RYR2: variants seen among roughly 807,000 people sequenced by gnomAD.
The protein encoded by RYR2 is ryanodine receptor 2, also known as cardiac muscle ryanodine receptor-calcium release channel.
RYR2 carries 227 observed loss-of-function variants against 601.1 expected under a neutral mutation model. The ratio of observed to expected loss-of-function variants is 0.38; its 90% CI spans 0.34 to 0.42. The LOEUF is 0.42. Among genes scored for constraint, RYR2 ranks in the 10% least tolerant of loss-of-function variants. The pLI, the probability that RYR2 is intolerant of heterozygous loss-of-function variation, is 1.00. For missense variants in RYR2, 4,646 were observed against 6,156.5 expected (o/e 0.75, Z 8.21); for synonymous variants, 2,223 against 2,175.1 (o/e 1.02, Z -0.61).
chr1:237,504,529 C>A (rs767429874), intron 22 of RYR2, among the ~76,000 whole-genome samples: 4 of 152,132 alleles, frequency 2.6e-5, no homozygotes, highest in Non-Finnish European at 5.9e-5. Flanking sequence ...TTACTTCAGG[C>A]CATCTGGATG....
chr1:237,272,995 C>A (rs6429003), intron 2 of RYR2, among the ~76,000 whole-genome samples: 11 of 152,116 alleles, frequency 7.2e-5, no homozygotes, highest in African/African-American at 2.7e-4. Flanking sequence ...TTATGGAAGA[C>A]GATTTTCCCA....
chr1:237,137,346 G>T (rs1363424654), intron 1 of RYR2, among the ~76,000 whole-genome samples: 2 of 152,084 alleles, frequency 1.3e-5, no homozygotes, highest in African/African-American at 4.8e-5. Context: ...TCTCTAGCTG[G>T]AAAATAATTT....
intron 27 of RYR2, among the ~76,000 whole-genome samples, chr1:237,563,199 G>A (rs770793269): frequency 4.6e-5 from 7 of 151,998 alleles, no homozygotes; most frequent in Non-Finnish European, 7.4e-5. Flanking sequence ...CCTGAGGCTC[G>A]AAGTTCGAGA....
intron 19 of RYR2, among the ~76,000 whole-genome samples, chr1:237,493,877 C>G (rs938576480): frequency 6.6e-6 from 1 of 152,180 alleles, no homozygotes; most frequent in African/African-American, 2.4e-5. Flanking sequence ...AGGCACCTAA[C>G]GTTCATTGAA....
intron 2 of RYR2, among the ~76,000 whole-genome samples, chr1:237,323,650 C>T (rs557269979): frequency 5.9e-4 from 90 of 152,278 alleles, no homozygotes; most frequent in African/African-American, 2.0e-3. Flanking sequence ...TGGGATGCTA[C>T]GAATTCACTA....
chr1:237,281,087 T>C (rs1000412653), intron 2 of RYR2, among the ~76,000 whole-genome samples: 1 of 152,148 alleles, frequency 6.6e-6, no homozygotes, highest in Non-Finnish European at 1.5e-5. Flanking sequence ...GCCTGGCCTC[T>C]TTTTAGTATT....
At position 237,652,085 on chromosome 1, in the gene RYR2, G is replaced by C. The variant is rs182832854; in HGVS notation, c.7824+584G>C. Among the ~76,000 whole-genome samples, 6 of 152,296 alleles carry C rather than the reference G, an allele frequency of 3.9e-5. No individual in the cohort carries two copies. In the East Asian group the frequency reaches 1.2e-3, roughly 29 times the overall value. On this transcript the variant is annotated intron_variant, in intron 51 of 104. Transcript: ENST00000366574. ...AAAAGATAAGCCAAGATACTCTTAA[G>C]TTGGAAAACATGGTAATAGGCCTGG...
Position 237,674,836 on chromosome 1 carries a change from C to G in RYR2, c.8820C>G (p.Ile2940Met). 6.3e-7 allele frequency: 1 copy of G among 1,599,542 alleles called. No individual in the cohort carries two copies. The highest frequency in any genetic ancestry group is 2.2e-5 in the East Asian group (1 of 44,776). Residue 2940 changes from isoleucine (I) to methionine (M), a missense_variant, in exon 60 of 105, where the codon ATC becomes ATG. Around this residue, in one of 17 missense-constraint regions of RYR2, gnomAD observed 1,497 missense variants for 1,842.6 expected, o/e 0.81. Transcript: ENST00000366574. ...IRYVDEAHQY[I>M]LEFDGGSRGK... is the part of the protein sequence containing the mutation. ...ATGTGGATGAAGCCCATCAGTATATCCTGGAGTTTGGTAGGTACCATAGTC... is the reference window on the plus strand; with the variant it reads ...ATGTGGATGAAGCCCATCAGTATATGCTGGAGTTTGGTAGGTACCATAGTC...
intron 17 of RYR2, among the ~76,000 whole-genome samples, chr1:237,476,856 T>C (rs1235652477): frequency 6.6e-6 from 1 of 152,204 alleles, no homozygotes; most frequent in African/African-American, 2.4e-5. Context: ...CATAGCTAAC[T>C]GATTTGAGTA....
chr1:237,080,152 G>A (rs1381756379), intron 1 of RYR2, among the ~76,000 whole-genome samples: 1 of 24,444 alleles, frequency 4.1e-5, no homozygotes, highest in Non-Finnish European at 7.8e-5. Flanking sequence ...AGATTTAAAC[G>A]TTAAACCTAA....
Position 237,700,483 on chromosome 1 carries a change from T to C in RYR2, c.9367+16T>C. 7.5e-7 allele frequency: 1 copy of C among 1,334,932 alleles called. No individual in the cohort carries two copies. Among genetic ancestry groups the C allele is most frequent in the Non-Finnish European group, 1.0e-6 (1 of 959,504 alleles). 82.7% of individuals were successfully genotyped at this position (1,334,932 alleles called of 1,614,324 possible). ...GACCTAATATGTATGTAAATTTATA[T>C]CTTGGAGTTTTTTTTTTTTTAATCG... On this transcript the variant is annotated intron_variant, in intron 65 of 104. Coordinates refer to ENST00000366574, the MANE Select transcript of RYR2 (RefSeq NM_001035.3).
intron 79 of RYR2, among the ~76,000 whole-genome samples, chr1:237,736,831 A>G (rs1230487347): frequency 1.3e-5 from 2 of 152,240 alleles, no homozygotes; most frequent in East Asian, 3.8e-4. Context: ...TGTGAGGACA[A>G]CTAGCAATTC....
At chr1:237,633,752 TATA>T in intron 43 of RYR2, 42 bp downstream of exon 43, 4 of 1,546,578 alleles carry the variant, frequency 2.6e-6, no homozygotes, top group Non-Finnish European at 2.6e-6. Flanking sequence ...GTTGAAATAA[TATA>T]ATATTACATT....
chr1:237,506,893 T>G (rs1665320510), intron 23 of RYR2, 79 bp downstream of exon 23: 1 of 1,156,214 alleles, frequency 8.6e-7, no homozygotes, highest in Admixed American at 2.0e-5. Flanking sequence ...CTTTTCCCGC[T>G]ATGGGGTGAC....
At position 237,112,604 on chromosome 1, in the gene RYR2, C is replaced by G. The variant is rs76436443; in HGVS notation, c.48+70035C>G. Among the ~76,000 whole-genome samples the G allele has an allele frequency of 2.4e-3, 359 of 150,384 alleles. 10 individuals carry two copies. In the East Asian group the frequency reaches 0.065, roughly 27 times the overall value. ...AAAAAAAAAAAATTAGCTAATGGCT[C>G]TCCCCTTCCAGGCAAATTTCTAGGA... On this transcript the variant is annotated intron_variant, in intron 1 of 104. Transcript: ENST00000366574.
chr1:237,708,731 C>G, intron 68 of RYR2, 127 bp from the exon 69 acceptor site: 1 of 790,966 alleles, frequency 1.3e-6, no homozygotes, highest in South Asian at 1.9e-5. Context: ...GAGGCATGAG[C>G]TGTACCCTTA....
intron 16 of RYR2, among the ~76,000 whole-genome samples, chr1:237,457,753 C>G (rs1166451615): frequency 1.3e-5 from 2 of 152,154 alleles, no homozygotes; most frequent in African/African-American, 4.8e-5. Flanking sequence ...TGAAACAAAG[C>G]CTTCCAATGA....
intron 51 of RYR2, among the ~76,000 whole-genome samples, chr1:237,652,570 A>G (rs190516382): frequency 6.6e-6 from 1 of 152,298 alleles, no homozygotes; most frequent in Non-Finnish European, 1.5e-5. Flanking sequence ...ATTTAGCAAA[A>G]GTAATCTTTC....
chr1:237,795,533 C>T lies in RYR2; in HGVS notation c.13956+202C>T, dbSNP rs1659005013. 2.0e-5 allele frequency among the ~76,000 whole-genome samples: 3 copies of T among 151,892 alleles called. No homozygotes were observed. The South Asian group carries it at 6.2e-4, about 32-fold the overall frequency. On this transcript the variant is annotated intron_variant, in intron 96 of 104. Transcript: ENST00000366574. Reference sequence around the variant, plus strand: ...GTAGCGCGATCTCAGCTCACTGCAACCTCAGCTGCCCAGTTCAAGCAATTC... The same window carrying T: ...GTAGCGCGATCTCAGCTCACTGCAATCTCAGCTGCCCAGTTCAAGCAATTC...
Sources: allele counts gnomAD v4.1 joint callset (sites outside exome capture counted in the v4.1 genomes callset), GRCh38; gene constraint gnomAD v4.1.1; regional missense constraint gnomAD v4.1.1; transcripts MANE v1.5; gene names NCBI Gene and HGNC (gene_info 2026-07-23, HGNC 2026-07-21).